SUCLG2: variants seen among roughly 807,000 people sequenced by gnomAD.
The protein encoded by SUCLG2 is succinate-CoA ligase GDP-forming subunit beta.
SUCLG2 carries 42 observed loss-of-function variants against 47.9 expected under a neutral mutation model. The ratio of observed to expected loss-of-function variants is 0.88; its 90% CI spans 0.69 to 1.14. The LOEUF (loss-of-function observed/expected upper bound fraction) is 1.14, where lower values mean the gene tolerates loss of function less well. Among genes scored for constraint, SUCLG2 ranks in the 50% most tolerant of loss-of-function variants. The probability of loss-of-function intolerance (pLI) is 0.00; values close to 1 mark genes in which losing one functional copy is unlikely to be tolerated. For synonymous variants in SUCLG2, 195 were observed against 197.3 expected, an observed-to-expected ratio of 0.99 and a Z score of 0.10; for missense variants, 571 against 525.9, an observed-to-expected ratio of 1.09 and a Z score of -0.84.
intron 10 of SUCLG2, among the ~76,000 whole-genome samples, chr3:67,383,524 G>A (rs540205449): frequency 1.9e-4 from 29 of 152,162 alleles, no homozygotes; most frequent in African/African-American, 6.0e-4. Flanking sequence ...ATTTCTTCTC[G>A]CACAGTAAGA....
At chr3:67,538,652 T>G (rs1210442193) in intron 2 of SUCLG2, among the ~76,000 whole-genome samples, 3 of 152,240 alleles carry the variant, frequency 2.0e-5, no homozygotes, top group Non-Finnish European at 4.4e-5. Flanking sequence ...CTTTGGGCAG[T>G]ATGGCCATTT....
intron 9 of SUCLG2, among the ~76,000 whole-genome samples, chr3:67,476,983 G>A (rs1340745146): frequency 6.6e-6 from 1 of 152,130 alleles, no homozygotes; most frequent in African/African-American, 2.4e-5. Context: ...ACCTTGAGGA[G>A]GTCTCTGGAG....
chr3:67,471,052 T>A (rs1044580503), intron 9 of SUCLG2, among the ~76,000 whole-genome samples: 1 of 152,156 alleles, frequency 6.6e-6, no homozygotes. Flanking sequence ...AGAGAAAAAC[T>A]TGGAGAAGAT....
At chr3:67,554,965 C>G (rs1259626632) in intron 2 of SUCLG2, among the ~76,000 whole-genome samples, 2 of 152,138 alleles carry the variant, frequency 1.3e-5, no homozygotes, top group Non-Finnish European at 2.9e-5. Flanking sequence ...AGTACCCAGG[C>G]ACTGAGGGAT....
At chr3:67,567,793 C>G (rs1457033711) in intron 2 of SUCLG2, among the ~76,000 whole-genome samples, 1 of 152,154 alleles carries the variant, frequency 6.6e-6, no homozygotes, top group Non-Finnish European at 1.5e-5. Flanking sequence ...CATTTCCCAG[C>G]ATAAACTGTC....
intron 2 of SUCLG2, among the ~76,000 whole-genome samples, chr3:67,538,472 C>G (rs556117212): frequency 1.3e-5 from 2 of 152,176 alleles, no homozygotes; most frequent in East Asian, 3.9e-4. Flanking sequence ...CCTTGTAGTG[C>G]AGTTTGAAGT....
chr3:67,476,223 C>T (rs1251511846), intron 9 of SUCLG2, among the ~76,000 whole-genome samples: 1 of 151,986 alleles, frequency 6.6e-6, no homozygotes, highest in Non-Finnish European at 1.5e-5. Context: ...CTGGGCCGCA[C>T]AGCAGGAGGT....
chr3:67,495,501 A>T (rs1705310411), intron 9 of SUCLG2, among the ~76,000 whole-genome samples: 1 of 151,920 alleles, frequency 6.6e-6, no homozygotes, highest in Admixed American at 6.6e-5. Flanking sequence ...AAAATACAAA[A>T]GTTAGCTGGG....
chr3:67,406,995 G>C (rs1286219919), intron 9 of SUCLG2, among the ~76,000 whole-genome samples: 1 of 152,134 alleles, frequency 6.6e-6, no homozygotes, highest in Non-Finnish European at 1.5e-5. Flanking sequence ...TGATAAAGGA[G>C]CCACTGACAT....
At chr3:67,629,968 C>T (rs919794516) in intron 1 of SUCLG2, among the ~76,000 whole-genome samples, 2 of 152,088 alleles carry the variant, frequency 1.3e-5, no homozygotes, top group African/African-American at 4.8e-5. Context: ...TCTCTGCCCC[C>T]TTCTCATCTT....
At chr3:67,484,773 C>G (rs1298873393) in intron 9 of SUCLG2, among the ~76,000 whole-genome samples, 1 of 152,078 alleles carries the variant, frequency 6.6e-6, no homozygotes, top group Non-Finnish European at 1.5e-5. Context: ...CACAAATTAT[C>G]CCCAAGGATA....
At chr3:67,542,857 C>T (rs1346905072) in intron 2 of SUCLG2, among the ~76,000 whole-genome samples, 1 of 152,156 alleles carries the variant, frequency 6.6e-6, no homozygotes. Flanking sequence ...CACTTGGACT[C>T]CCACACAATA....
In SUCLG2 at chr3:67,483,571, T is replaced by C. The variant is rs145914995; in HGVS notation, c.1062+12227A>G. Among the ~76,000 whole-genome samples, 5 of 152,318 alleles carry C rather than the reference T, an allele frequency of 3.3e-5. No homozygotes were observed. The East Asian group carries it at 7.7e-4, about 23-fold the overall frequency. On this transcript the variant is annotated intron_variant, in intron 9 of 10. Transcript: ENST00000307227. The stretch of plus-strand genomic sequence containing the variant: ...ACTAGTTACTCACCAGTGTAAACGA[T>C]TTTCTATCCTCTTTAAAATGGCACC...
At chr3:67,605,119 A>T (rs2885693) in intron 2 of SUCLG2, among the ~76,000 whole-genome samples, 72,096 of 151,954 alleles carry the variant, frequency 0.47, 17,777 homozygotes, top group African/African-American at 0.6. Context: ...TTAGACACAT[A>T]ATCATTCTAG....
intron 1 of SUCLG2, among the ~76,000 whole-genome samples, chr3:67,653,678 G>A (rs2198015): frequency 0.34 from 51,947 of 152,090 alleles, 9,088 homozygotes; most frequent in Non-Finnish European, 0.36. Context: ...AAGAGAGATA[G>A]TCTACGGAGA....
chr3:67,633,974 T>A (rs1312193471), intron 1 of SUCLG2, among the ~76,000 whole-genome samples: 1 of 152,232 alleles, frequency 6.6e-6, no homozygotes, highest in African/African-American at 2.4e-5. Context: ...ACTACTCCAT[T>A]CCTGGAATAA....
At chr3:67,620,584 C>CAAAAAAAAAAAAAAAAAAAAAAAAAAAA (rs71109890) in intron 1 of SUCLG2, among the ~76,000 whole-genome samples, 1 of 63,518 alleles carries the variant, frequency 1.6e-5, no homozygotes, top group Non-Finnish European at 2.9e-5. Flanking sequence ...GACTCCATCT[C>CAAAAAAAAAAAAAAAAAAAAAAAAAAAA]AAAAAAAAAA....
intron 9 of SUCLG2, among the ~76,000 whole-genome samples, chr3:67,463,523 T>G (rs1704390001): frequency 6.6e-6 from 1 of 152,232 alleles, no homozygotes; most frequent in African/African-American, 2.4e-5. Flanking sequence ...ACAGAAACAT[T>G]TATCTTTATA....
At chr3:67,537,770 G>C (rs1285436002) in intron 2 of SUCLG2, among the ~76,000 whole-genome samples, 1 of 152,130 alleles carries the variant, frequency 6.6e-6, no homozygotes, top group African/African-American at 2.4e-5. Context: ...ATTCTAACTG[G>C]CGTGAGATGA....
Sources: gnomAD v4.1 joint callset for allele counts (sites outside exome capture counted in the v4.1 genomes callset) on GRCh38, gnomAD v4.1.1 for gene constraint, MANE v1.5 for transcripts, NCBI Gene and HGNC (gene_info 2026-07-23, HGNC 2026-07-21) for gene names.